Variants in RFX2 observed in about 807,000 individuals in gnomAD.
RFX2 encodes the protein regulatory factor X2.
In RFX2, 20 loss-of-function variants were observed where a neutral mutation model predicts 87.8. The observed-to-expected ratio is 0.23, with a 90% CI of 0.16 to 0.33. RFX2 has a LOEUF of 0.33. Ranked by LOEUF, RFX2 falls within the 10% of genes least tolerant of loss-of-function variation. The probability of loss-of-function intolerance (pLI) is 1.00; values close to 1 mark genes in which losing one functional copy is unlikely to be tolerated. For synonymous variants in RFX2, 397 were observed against 431.3 expected, an observed-to-expected ratio of 0.92 and a Z score of 0.98; for missense variants, 767 against 1,012.3, an observed-to-expected ratio of 0.76 and a Z score of 3.29.
rs758263863 is a variant in RFX2, at chr19:6,047,432, G to A, written c.65C>T (p.Ala22Val). 6.2e-6 allele frequency: 10 copies of A among 1,601,512 alleles called. No homozygotes were observed. In the Admixed American group the frequency reaches 1.5e-4, roughly 25 times the overall value. The change falls in exon 2 of 18, where the codon GCC (alanine) becomes GTC (valine). Residue 22 changes from alanine (A) to valine (V), a missense_variant. Physicochemically the swap from Ala to Val is moderately conservative, Grantham distance 64. Transcript: ENST00000303657. The surrounding 1 kb of genome is among the most constrained non-coding windows in gnomAD (Gnocchi z 4.2). ...ASVALRPSAAAPPVPASPQRV... is the reference protein window; with the variant it reads ...ASVALRPSAAVPPVPASPQRV... ...CTGCGGGGAGGCTGGCACAGGCGGG[G>A]CTGCCGCCGAGGGACGCAGAGCCAC...
At position 6,040,175 on chromosome 19, in the gene RFX2, G is replaced by A. The variant is rs770152245; in HGVS notation, c.327C>T (p.Phe109=). ...TCACCTGGGCACCGCCTGGGGCCTC[G>A]AAGTAAGAAGCCGTGCTGCTGGGGG... ...MYAPSSTASY[F]EAPGGAQVTV... is the part of the protein sequence containing the mutation. Residue 109 remains phenylalanine (F), a synonymous_variant, in exon 5 of 18, where the codon TTC becomes TTT. Transcript: ENST00000303657. This position sits in a 1 kb window ranked among gnomAD's most constrained non-coding sequence, Gnocchi z 6.1. The A allele has an allele frequency of 2.3e-5, 37 of 1,598,772 alleles. No individual in the cohort carries two copies. The highest frequency in any genetic ancestry group is 2.8e-5 in the Non-Finnish European group (33 of 1,168,522).
chr19:6,067,522 G>A (rs1430037846), intron 1 of RFX2, among the ~76,000 whole-genome samples: 1 of 152,148 alleles, frequency 6.6e-6, no homozygotes, highest in African/African-American at 2.4e-5. Flanking sequence ...ACATATCTCC[G>A]GAAAGAGGAG....
chr19:6,003,939 C>T (rs188194455), intron 13 of RFX2, among the ~76,000 whole-genome samples: 49 of 152,146 alleles, frequency 3.2e-4, no homozygotes, highest in Admixed American at 1.3e-3. Flanking sequence ...TTAAATTTCC[C>T]GAATAAGATG....
rs1386028707 is a variant in RFX2, at chr19:6,040,957, T to C, written c.261-716A>G. On this transcript the variant is annotated intron_variant, in intron 4 of 17. Transcript: ENST00000303657. This position sits in a 1 kb window ranked among gnomAD's most constrained non-coding sequence, Gnocchi z 6.1. ...ACACACATGAACATGCAAAGCCACA[T>C]GTACTCCACATGCAAGCACACACGC... Among the ~76,000 whole-genome samples, 2 of 152,248 alleles carry C rather than the reference T, an allele frequency of 1.3e-5. No homozygotes were observed. The highest frequency in any genetic ancestry group is 2.1e-4 in the South Asian group (1 of 4,824).
intron 1 of RFX2, among the ~76,000 whole-genome samples, chr19:6,059,616 C>G (rs2087398649): frequency 6.6e-6 from 1 of 151,984 alleles, no homozygotes; most frequent in Non-Finnish European, 1.5e-5. Flanking sequence ...GTGCTCTGTC[C>G]CCCAGGAGTG....
chr19:6,042,950 G>C (rs998792755), intron 3 of RFX2, among the ~76,000 whole-genome samples: 1 of 152,214 alleles, frequency 6.6e-6, no homozygotes, highest in Admixed American at 6.5e-5. Flanking sequence ...GCTTGTTCGG[G>C]TGTCATGGTG....
In RFX2 at chr19:6,022,464, C is replaced by T. The variant is rs780142067; in HGVS notation, c.597+3699G>A. Among the ~76,000 whole-genome samples, 5 of 152,236 alleles carry T rather than the reference C, an allele frequency of 3.3e-5. No homozygotes were observed. Among genetic ancestry groups the T allele is most frequent in the African/African-American group, 4.8e-5 (2 of 41,468 alleles). On this transcript the variant is annotated intron_variant, in intron 6 of 17. Coordinates refer to ENST00000303657, the MANE Select transcript of RFX2 (RefSeq NM_000635.4). This position sits in a 1 kb window ranked among gnomAD's most constrained non-coding sequence, Gnocchi z 6.2. The stretch of plus-strand genomic sequence containing the variant: ...GTGATGTGTTTACTTTAGCAGACAG[C>T]GCCACCTCATGGTGACAGAGACTCG...
At chr19:6,067,042 T>C (rs777541973) in intron 1 of RFX2, among the ~76,000 whole-genome samples, 28 of 152,220 alleles carry the variant, frequency 1.8e-4, no homozygotes, top group Non-Finnish European at 2.8e-4. Context: ...ATATTTGTTC[T>C]GAAATAACAA....
rs2086651950 is a variant in RFX2 at position 6,010,924 on chromosome 19, C to A, written c.900-673G>T. The stretch of plus-strand genomic sequence containing the variant: ...CTGAGGTCGGGAGTTCGAGACCAGC[C>A]TGACCAACATGGAGTAACCCCGTCT... On this transcript the variant is annotated intron_variant, in intron 8 of 17. Coordinates refer to ENST00000303657, the MANE Select transcript of RFX2 (RefSeq NM_000635.4). This position sits in a 1 kb window ranked among gnomAD's most constrained non-coding sequence, Gnocchi z 5.0. Among the ~76,000 whole-genome samples the A allele has an allele frequency of 6.6e-6, 1 of 152,172 alleles. No homozygotes were observed. The highest frequency in any genetic ancestry group is 1.5e-5 in the Non-Finnish European group (1 of 68,030).
intron 1 of RFX2, among the ~76,000 whole-genome samples, chr19:6,052,627 G>T (rs375455877): frequency 1.3e-5 from 2 of 152,082 alleles, no homozygotes; most frequent in Admixed American, 1.3e-4. Flanking sequence ...CACTGTGATG[G>T]GTCATGTTCT....
chr19:6,088,698 G>A (rs1055968688), intron 1 of RFX2, among the ~76,000 whole-genome samples: 2 of 152,260 alleles, frequency 1.3e-5, no homozygotes, highest in African/African-American at 4.8e-5. Flanking sequence ...AGCCTAAGGG[G>A]TTTTATAAAC....
Position 6,023,633 on chromosome 19 carries a change from A to T in RFX2, c.597+2530T>A, listed in dbSNP as rs1363358309. Among the ~76,000 whole-genome samples, 1 of 152,194 alleles carries T rather than the reference A, an allele frequency of 6.6e-6. No individual in the cohort carries two copies. The highest frequency in any genetic ancestry group is 2.4e-5 in the African/African-American group (1 of 41,438). On this transcript the variant is annotated intron_variant, in intron 6 of 17. Coordinates refer to ENST00000303657, the MANE Select transcript of RFX2 (RefSeq NM_000635.4). The surrounding 1 kb of genome is among the most constrained non-coding windows in gnomAD (Gnocchi z 4.9). ...ACAGCGAATCATCAGTGAGTAAAAG[A>T]AACGAGAGATTTTACCTTCAGCTCG...
intron 1 of RFX2, among the ~76,000 whole-genome samples, chr19:6,075,233 A>G (rs1209025309): frequency 6.6e-6 from 1 of 152,036 alleles, no homozygotes; most frequent in Admixed American, 6.6e-5. Flanking sequence ...TTAAGACAGG[A>G]GGAGAAGGAG....
At position 6,011,818 on chromosome 19, in the gene RFX2, C is replaced by T. The variant is rs2086663222; in HGVS notation, c.899+1168G>A. Reference sequence around the variant, plus strand: ...GTGGCTCTGTGCAGAGGGTCCAGCACCAGGTGTAAAGGTGCCACGTGGGGC... The same window carrying T: ...GTGGCTCTGTGCAGAGGGTCCAGCATCAGGTGTAAAGGTGCCACGTGGGGC... On this transcript the variant is annotated intron_variant, in intron 8 of 17. Coordinates refer to ENST00000303657, the MANE Select transcript of RFX2 (RefSeq NM_000635.4). This position sits in a 1 kb window ranked among gnomAD's most constrained non-coding sequence, Gnocchi z 4.8. 6.6e-6 allele frequency among the ~76,000 whole-genome samples: 1 copy of T among 152,210 alleles called. No homozygotes were observed. Among genetic ancestry groups the T allele is most frequent in the South Asian group, 2.1e-4 (1 of 4,828 alleles).
chr19:6,048,236 T>C (rs1014902304), intron 1 of RFX2, among the ~76,000 whole-genome samples: 9 of 152,244 alleles, frequency 5.9e-5, no homozygotes, highest in African/African-American at 2.2e-4. Context: ...TGGCAGTAAG[T>C]AAAAACTGCC....
At chr19:6,014,855 C>T (rs1056572259) in intron 7 of RFX2, among the ~76,000 whole-genome samples, 3 of 152,190 alleles carry the variant, frequency 2.0e-5, no homozygotes, top group South Asian at 2.1e-4. Flanking sequence ...TCCACCGCCA[C>T]GCCGTTTATA....
intron 1 of RFX2, among the ~76,000 whole-genome samples, chr19:6,055,343 T>C (rs1322214124): frequency 2.0e-5 from 3 of 152,230 alleles, no homozygotes; most frequent in African/African-American, 7.2e-5. Flanking sequence ...CCTCTTGTAG[T>C]TTTTATCCAA....
chr19:6,042,699 G>A (rs1393150705), intron 3 of RFX2, among the ~76,000 whole-genome samples: 1 of 152,222 alleles, frequency 6.6e-6, no homozygotes, highest in Non-Finnish European at 1.5e-5. Flanking sequence ...GTGGGAAGGA[G>A]CGGCATGCCT....
intron 5 of RFX2, among the ~76,000 whole-genome samples, chr19:6,031,423 C>CTTTTTTTTTTTTTTTTTTTTTTTTTTT (rs58834364): frequency 2.2e-5 from 2 of 90,186 alleles, no homozygotes; most frequent in Non-Finnish European, 3.9e-5. Context: ...TTCTCCTTCC[C>CTTTTTTTTTTTTTTTTTTTTTTTTTTT]TTTTTTTTTT....
Sources: allele counts gnomAD v4.1 joint callset (sites outside exome capture counted in the v4.1 genomes callset), GRCh38; gene constraint gnomAD v4.1.1; non-coding constraint Gnocchi (gnomAD v3.1); transcripts MANE v1.5; gene names NCBI Gene and HGNC (gene_info 2026-07-23, HGNC 2026-07-21).